Variants in KRR1 observed in about 807,000 individuals in gnomAD.
KRR1 encodes KRR1 small subunit processome component homolog.
KRR1 carries 23 observed loss-of-function variants against 50.0 expected under a neutral mutation model. The ratio of observed to expected loss-of-function variants is 0.46; its 90% CI spans 0.33 to 0.65. KRR1 has a LOEUF of 0.65. Ranked by LOEUF, KRR1 falls within the 30% of genes least tolerant of loss-of-function variation. KRR1 has a pLI of 0.02. For synonymous variants in KRR1, 133 were observed against 146.3 expected (o/e 0.91, Z 0.66); for missense variants, 419 against 442.4 (o/e 0.95, Z 0.47).
chr12:75,503,716 G>A, intron 7 of KRR1, 188 bp downstream of exon 7: 1 of 444,762 alleles, frequency 2.2e-6, no homozygotes, highest in Non-Finnish European at 3.9e-6. Context: ...ACGCCCCACT[G>A]CACACCCCCA....
At chr12:75,509,346 A>G (rs1012339575) in intron 1 of KRR1, among the ~76,000 whole-genome samples, 3 of 152,150 alleles carry the variant, frequency 2.0e-5, no homozygotes, top group African/African-American at 7.2e-5. Flanking sequence ...ACGAGGGACA[A>G]GAATCTGTGT....
intron 1 of KRR1, among the ~76,000 whole-genome samples, chr12:75,509,837 CCT>C (rs2046438892): frequency 6.6e-6 from 1 of 151,652 alleles, no homozygotes; most frequent in Non-Finnish European, 1.5e-5. Flanking sequence ...AATCCCCCCT[CCT>C]CAGCTTGCCA....
rs2046347499 is a variant in KRR1 at position 75,495,850 on chromosome 12, GTTCT to G, written c.*3955_*3958del. 4.8e-6 allele frequency: 2 copies of G among 412,586 alleles called. No individual in the cohort carries two copies. The highest frequency in any genetic ancestry group is 8.8e-6 in the Non-Finnish European group (2 of 226,806). 25.6% of individuals were successfully genotyped at this position (412,586 alleles called of 1,614,324 possible). On this transcript the variant is annotated 3_prime_UTR_variant, in exon 10 of 10. Transcript: ENST00000229214. The stretch of plus-strand genomic sequence containing the variant: ...AGAGAAATTTAAATGTGAAAATCAC[GTTCT>G]TTTTATTTAGTTCTAATTGGTCAAA...
chr12:75,500,189 T>G (rs910512307), intron 9 of KRR1: 1 of 271,748 alleles, frequency 3.7e-6, no homozygotes, highest in African/African-American at 2.2e-5. Flanking sequence ...AGTACAAGTA[T>G]ACATAAAAAT....
chr12:75,509,229 A>T (rs1243166803), intron 1 of KRR1, among the ~76,000 whole-genome samples: 1 of 152,176 alleles, frequency 6.6e-6, no homozygotes, highest in Non-Finnish European at 1.5e-5. Flanking sequence ...ATTCAGTTAT[A>T]CTCAAAGGTA....
intron 1 of KRR1, among the ~76,000 whole-genome samples, chr12:75,510,676 A>C (rs557541185): frequency 6.6e-6 from 1 of 152,296 alleles, no homozygotes; most frequent in East Asian, 1.9e-4. Context: ...GGTGCACGTA[A>C]GGGTTTGAGG....
At position 75,493,806 on chromosome 12, in the gene KRR1, T is replaced by G. The variant is rs1369957335; in HGVS notation, c.*6003A>C. 6.6e-6 allele frequency: 1 copy of G among 152,180 alleles called. No homozygotes were observed. The highest frequency in any genetic ancestry group is 1.5e-5 in the Non-Finnish European group (1 of 68,034). The allele number at this position is 152,180 out of a possible 1,614,324, so 9.4% of individuals were successfully genotyped here. A position where few individuals can be genotyped will look rare whatever the true frequency, so the allele number is the denominator to read the frequency against. On this transcript the variant is annotated 3_prime_UTR_variant, in exon 10 of 10. Transcript: ENST00000229214. ...TCTAGACAAATCCAGGCCTTTCCAG[T>G]AGCATGTTTCTCCCAAGATGAATAC...
intron 7 of KRR1, chr12:75,502,882 TAC>T (rs2046404329): frequency 1.3e-5 from 2 of 152,034 alleles, no homozygotes; most frequent in Non-Finnish European, 2.9e-5. Context: ...TCCCCCTAAC[TAC>T]TATCAATTTC....
rs1230876180 is a variant in KRR1 at position 75,492,147 on chromosome 12, G to T, written c.*7662C>A. The T allele has an allele frequency of 1.3e-5, 2 of 149,576 alleles. No individual in the cohort carries two copies. Among genetic ancestry groups the T allele is most frequent in the African/African-American group, 5.0e-5 (2 of 40,312 alleles). The allele number at this position is 149,576 out of a possible 1,614,324, so 9.3% of individuals were successfully genotyped here. A position where few individuals can be genotyped will look rare whatever the true frequency, so the allele number is the denominator to read the frequency against. The stretch of plus-strand genomic sequence containing the variant: ...TCTGTCACCCAGGCTGGAGTACAGT[G>T]GCTCGCTTACGGTTCACTGCAGGCT... On this transcript the variant is annotated 3_prime_UTR_variant, in exon 10 of 10. Transcript: ENST00000229214.
intron 1 of KRR1, among the ~76,000 whole-genome samples, chr12:75,509,908 C>T (rs974872014): frequency 1.3e-5 from 2 of 151,846 alleles, no homozygotes; most frequent in South Asian, 2.1e-4. Context: ...GTTTACCTGA[C>T]GAAGTCCCTA....
rs1445703366 is a variant in KRR1, at chr12:75,494,094, C to CA, written c.*5714dup. On this transcript the variant is annotated 3_prime_UTR_variant, in exon 10 of 10. Transcript: ENST00000229214. ...CCTTTTTTCCATGGTGTAGAGTAAG[C>CA]AGAGGGCTAATTAAATTTCTGAAGC... is the stretch of plus-strand genomic sequence containing the variant. 6.6e-6 allele frequency: 1 copy of CA among 151,890 alleles called. No individual in the cohort carries two copies. The highest frequency in any genetic ancestry group is 2.4e-5 in the African/African-American group (1 of 41,340). 9.4% of individuals were successfully genotyped at this position (151,890 alleles called of 1,614,324 possible). A position where few individuals can be genotyped will look rare whatever the true frequency, so the allele number is the denominator to read the frequency against.
intron 1 of KRR1, among the ~76,000 whole-genome samples, chr12:75,510,529 A>T (rs1566106911): frequency 6.6e-6 from 1 of 152,238 alleles, no homozygotes; most frequent in Non-Finnish European, 1.5e-5. Context: ...AGAAAAATGC[A>T]TACGGTCCAC....
At chr12:75,510,962 G>A (rs768648666) in intron 1 of KRR1, among the ~76,000 whole-genome samples, 2 of 152,190 alleles carry the variant, frequency 1.3e-5, no homozygotes, top group Non-Finnish European at 2.9e-5. Flanking sequence ...CAACGCAGGA[G>A]TTAACAATTA....
In KRR1 at chr12:75,498,778, T is replaced by C; in HGVS notation, c.*1031A>G. On this transcript the variant is annotated 3_prime_UTR_variant, in exon 10 of 10. Coordinates refer to ENST00000229214, the MANE Select transcript of KRR1 (RefSeq NM_007043.7). Reference sequence around the variant, plus strand: ...GAGCTATGTGAATTCTGTCAGTGCATTATGAGGAACAATGTCTAAGAGGAT... The same window carrying C: ...GAGCTATGTGAATTCTGTCAGTGCACTATGAGGAACAATGTCTAAGAGGAT... The C allele has an allele frequency of 1.9e-6, 3 of 1,607,706 alleles. No homozygotes were observed. The highest frequency in any genetic ancestry group is 1.7e-4 in the Middle Eastern group (1 of 6,040).
Position 75,494,832 on chromosome 12 carries a change from T to C in KRR1, c.*4977A>G, listed in dbSNP as rs572672238. ...TTATTTCACTTTCTAGTCTGTGACC[T>C]TGGTCAATTACTTATACTCTGTGAC... On this transcript the variant is annotated 3_prime_UTR_variant, in exon 10 of 10. Transcript: ENST00000229214. The C allele has an allele frequency of 6.6e-6, 1 of 152,226 alleles. No homozygotes were observed. Among genetic ancestry groups the C allele is most frequent in the African/African-American group, 2.4e-5 (1 of 41,460 alleles). 9.4% of individuals were successfully genotyped at this position (152,226 alleles called of 1,614,324 possible). A position where few individuals can be genotyped will look rare whatever the true frequency, so the allele number is the denominator to read the frequency against.
intron 5 of KRR1, 99 bp from the exon 6 acceptor site, chr12:75,505,353 A>T (rs1189837351): frequency 8.6e-7 from 1 of 1,163,422 alleles, no homozygotes; most frequent in African/African-American, 1.6e-5. Context: ...GTACCAAATT[A>T]AATAATGTAA....
At chr12:75,500,165 ATACTT>A (rs1407799402) in intron 9 of KRR1, 3 of 354,802 alleles carry the variant, frequency 8.5e-6, no homozygotes, top group African/African-American at 6.4e-5. Context: ...AAATCATAAA[ATACTT>A]TATATATTAG....
Position 75,499,088 on chromosome 12 carries a change from T to A in KRR1, c.*721A>T, listed in dbSNP as rs1045898318. ...TATTTTAAAACATTTCAGAAAAAAATATATGTTATAGCAATACTCTTACTC... is the reference window on the plus strand; with the variant it reads ...TATTTTAAAACATTTCAGAAAAAAAAATATGTTATAGCAATACTCTTACTC... On this transcript the variant is annotated 3_prime_UTR_variant, in exon 10 of 10. Transcript: ENST00000229214. The A allele has an allele frequency of 8.6e-5, 54 of 630,812 alleles. No individual in the cohort carries two copies. The East Asian group carries it at 1.6e-3, about 18-fold the overall frequency. The allele number at this position is 630,812 out of a possible 1,614,324, so 39.1% of individuals were successfully genotyped here. A position where few individuals can be genotyped will look rare whatever the true frequency, so the allele number is the denominator to read the frequency against.
chr12:75,493,562 A>T lies in KRR1; in HGVS notation c.*6247T>A, dbSNP rs1306570643. 6.6e-6 allele frequency: 1 copy of T among 152,162 alleles called. No homozygotes were observed. The highest frequency in any genetic ancestry group is 1.5e-5 in the Non-Finnish European group (1 of 68,030). The allele number at this position is 152,162 out of a possible 1,614,324, so 9.4% of individuals were successfully genotyped here. A position where few individuals can be genotyped will look rare whatever the true frequency, so the allele number is the denominator to read the frequency against. ...TAGCACAGAAGAGGAAATAACTTTGACCACAAGATAGTCAAGATAGTACCA... is the reference window on the plus strand; with the variant it reads ...TAGCACAGAAGAGGAAATAACTTTGTCCACAAGATAGTCAAGATAGTACCA... On this transcript the variant is annotated 3_prime_UTR_variant, in exon 10 of 10. Transcript: ENST00000229214.
Sources: gnomAD v4.1 joint callset for allele counts (sites outside exome capture counted in the v4.1 genomes callset) on GRCh38, gnomAD v4.1.1 for gene constraint, MANE v1.5 for transcripts, NCBI Gene and HGNC (gene_info 2026-07-23, HGNC 2026-07-21) for gene names.